The following BRCA1 variants were observed in gnomAD, a reference collection of about 807,000 sequenced individuals.
The protein encoded by BRCA1 is breast cancer type 1 susceptibility protein.
BRCA1 carries 140 observed loss-of-function variants against 173.7 expected under a neutral mutation model. That is an observed-to-expected ratio of 0.81 (90% CI 0.70 to 0.93). The LOEUF (loss-of-function observed/expected upper bound fraction) is 0.93, where lower values mean the gene tolerates loss of function less well. BRCA1 is among the 40% of genes least tolerant of loss of function. The pLI is 0.00. For synonymous variants in BRCA1, 662 were observed against 756.0 expected, an observed-to-expected ratio of 0.88 and a Z score of 2.04; for missense variants, 1,983 against 2,172.5, an observed-to-expected ratio of 0.91 and a Z score of 1.73.
At chr17:43,047,798 G>A in intron 21 of BRCA1, 95 bp from the exon 22 acceptor site, 1 of 1,312,224 alleles carries the variant, frequency 7.6e-7, no homozygotes, top group Non-Finnish European at 1.1e-6. Flanking sequence ...TTGAGACAGG[G>A]TCTTGCTCTG....
At chr17:43,106,559 C>A in intron 3 of BRCA1, 26 bp from the exon 4 acceptor site, 1 of 1,493,600 alleles carries the variant, frequency 6.7e-7, no homozygotes, top group Non-Finnish European at 9.3e-7. Context: ...AAAGAAAGAA[C>A]AATTTAATTT....
In BRCA1 at chr17:43,092,210, T is replaced by A. The variant is rs2154329127; in HGVS notation, c.3321A>T (p.Glu1107Asp). ...CTTCTTCATATTCTTGCTTTTTTAT[T>A]TCAGGATGCTTACAATTACTTCCAG... The part of the protein sequence containing the change: ...SLPGSNCKHP[E>D]IKKQEYEEVV... Residue 1107 changes from glutamate to aspartate, a missense_variant, in exon 10 of 23, where the codon GAA (glutamate) becomes GAT (aspartate). Glu to Asp is a conservative substitution (Grantham distance 45). Transcript: ENST00000357654. 1 of 1,613,360 alleles carries A rather than the reference T, an allele frequency of 6.2e-7. No individual in the cohort carries two copies.
At chr17:43,107,062 A>ATTTTTT (rs35202419) in intron 3 of BRCA1, among the ~76,000 whole-genome samples, 2 of 126,834 alleles carry the variant, frequency 1.6e-5, no homozygotes, top group African/African-American at 3.1e-5. Flanking sequence ...TACCAAGACA[A>ATTTTTT]TTTTTTTTTT....
rs763230080 is a variant in BRCA1, at chr17:43,124,061, T to C, written c.36A>G (p.Gln12=). The change falls in exon 2 of 23, where the codon CAA becomes CAG. Residue 12 remains glutamine, a synonymous_variant. Coordinates refer to ENST00000357654, the MANE Select transcript of BRCA1 (RefSeq NM_007294.4). Reference sequence around the variant, plus strand: ...TTTTCTGCATAGCATTAATGACATTTTGTACTTCTTCAACGCGAAGAGCAG... The same window carrying C: ...TTTTCTGCATAGCATTAATGACATTCTGTACTTCTTCAACGCGAAGAGCAG... ...DLSALRVEEV[Q]NVINAMQKIL... 27 of 1,613,926 alleles carry C rather than the reference T, an allele frequency of 1.7e-5. 1 individual carries two copies. The South Asian group carries it at 2.9e-4, about 17-fold the overall frequency.
At chr17:43,168,224 T>G (rs2056280619) in intron 1 of BRCA1, 1 of 428,090 alleles carries the variant, frequency 2.3e-6, no homozygotes, top group Non-Finnish European at 4.8e-6. Context: ...TTGTACTTCT[T>G]CAACGCAAAC....
intron 1 of BRCA1, among the ~76,000 whole-genome samples, chr17:43,154,449 A>C (rs1219995031): frequency 6.6e-6 from 1 of 151,930 alleles, no homozygotes. Flanking sequence ...GCCCCACTGC[A>C]CTCCAGCTTG....
At chr17:43,066,451 G>A (rs911363324) in intron 16 of BRCA1, among the ~76,000 whole-genome samples, 11 of 152,002 alleles carry the variant, frequency 7.2e-5, no homozygotes, top group Middle Eastern at 6.8e-3. Flanking sequence ...TCACTCTGTC[G>A]CCAGGCTGGA....
At chr17:43,100,592 A>G (rs1597889689) in intron 6 of BRCA1, among the ~76,000 whole-genome samples, 3 of 96,814 alleles carry the variant, frequency 3.1e-5, no homozygotes, top group South Asian at 3.3e-4. Flanking sequence ...TAACATATAT[A>G]TATTATATAT....
rs80358021 is a variant in BRCA1 at position 43,071,246 on chromosome 17, G to A, written c.4676-8C>T. 6.2e-7 allele frequency: 1 copy of A among 1,613,198 alleles called. No homozygotes were observed. The highest frequency in any genetic ancestry group is 8.5e-7 in the Non-Finnish European group (1 of 1,179,268). ...CCAGGTAAGGGGTTCCCTCTGAAAGGAATGGGAGAAGTTTAATTTACACAA... is the reference window on the plus strand; with the variant it reads ...CCAGGTAAGGGGTTCCCTCTGAAAGAAATGGGAGAAGTTTAATTTACACAA... On this transcript the variant is annotated splice_polypyrimidine_tract_variant and splice_region_variant and intron_variant, in intron 14 of 22. Transcript: ENST00000357654.
Position 43,051,097 on chromosome 17 carries a change from G to A in BRCA1, c.5298C>T (p.Ile1766=), listed in dbSNP as rs2051207482. The change falls in exon 20 of 23, where the codon ATC becomes ATT. Residue 1766 remains isoleucine, a synonymous_variant. Coordinates refer to ENST00000357654, the MANE Select transcript of BRCA1 (RefSeq NM_007294.4). The part of the protein sequence containing the change: ...QDRKIFRGLE[I]CCYGPFTNMP... ...TGTTGGTGAAGGGCCCATAGCAACA[G>A]ATTTCTAGCCCCCTGAAGATCTGGA... is the stretch of plus-strand genomic sequence containing the variant. The A allele has an allele frequency of 6.2e-7, 1 of 1,614,108 alleles. No individual in the cohort carries two copies. Among genetic ancestry groups the A allele is most frequent in the Non-Finnish European group, 8.5e-7 (1 of 1,179,972 alleles).
In BRCA1 at chr17:43,080,276, A is replaced by G. The variant is rs77008361; in HGVS notation, c.4357+2128T>C. 3.3e-4 allele frequency among the ~76,000 whole-genome samples: 50 copies of G among 152,352 alleles called. No individual in the cohort carries two copies. The East Asian group carries it at 7.5e-3, about 23-fold the overall frequency. ...GAATTAAGGAAGACACTGGAAGACA[A>G]CAGATATTAAGAAATAATAAACTAG... On this transcript the variant is annotated intron_variant, in intron 12 of 22. Transcript: ENST00000357654.
At chr17:43,124,158 G>GACATATATATAT (rs199805151) in intron 1 of BRCA1, 43 bp from the exon 2 acceptor site, 4 of 1,168,454 alleles carry the variant, frequency 3.4e-6, no homozygotes, top group Non-Finnish European at 4.9e-6. Flanking sequence ...CTTTTTAAAA[G>GACATATATATAT]GTTTATAAAA....
chr17:43,061,605 C>G (rs1204668536), intron 18 of BRCA1, among the ~76,000 whole-genome samples: 7 of 146,950 alleles, frequency 4.8e-5, no homozygotes, highest in African/African-American at 1.8e-4. Context: ...TTTTTTAAGA[C>G]AGGGTCTCAT....
chr17:43,164,066 T>C (rs1195323256), intron 1 of BRCA1: 1 of 152,230 alleles, frequency 6.6e-6, no homozygotes, highest in Non-Finnish European at 1.5e-5. Context: ...AGCATAACAA[T>C]TGCTTTTGTT....
chr17:43,117,386 G>C (rs1218787085), intron 2 of BRCA1, among the ~76,000 whole-genome samples: 1 of 152,172 alleles, frequency 6.6e-6, no homozygotes, highest in Non-Finnish European at 1.5e-5. Context: ...AGGTTGCAGA[G>C]TGAGCCAATA....
intron 11 of BRCA1, among the ~76,000 whole-genome samples, chr17:43,087,111 T>C (rs1421361096): frequency 1.3e-5 from 2 of 152,212 alleles, no homozygotes; most frequent in Non-Finnish European, 2.9e-5. Context: ...GAGCATAAAC[T>C]GGTTTAATCT....
chr17:43,117,077 G>A (rs950619035), intron 2 of BRCA1, among the ~76,000 whole-genome samples: 5 of 152,174 alleles, frequency 3.3e-5, no homozygotes, highest in African/African-American at 1.2e-4. Flanking sequence ...TTCAGAAGAG[G>A]CATGATGTTT....
At chr17:43,111,212 T>C (rs950752977) in intron 3 of BRCA1, among the ~76,000 whole-genome samples, 2 of 152,096 alleles carry the variant, frequency 1.3e-5, no homozygotes, top group Non-Finnish European at 2.9e-5. Context: ...TCTTTTTTTA[T>C]AGGCTTCATA....
chr17:43,057,971 G>A (rs1229747695), intron 18 of BRCA1, among the ~76,000 whole-genome samples: 2 of 127,362 alleles, frequency 1.6e-5, no homozygotes, highest in Non-Finnish European at 3.1e-5. Flanking sequence ...TGTGAGCCAC[G>A]ATCATGCCAC....
Sources: gnomAD v4.1 joint callset for allele counts (sites outside exome capture counted in the v4.1 genomes callset) on GRCh38, gnomAD v4.1.1 for gene constraint, MANE v1.5 for transcripts, NCBI Gene and HGNC (gene_info 2026-07-23, HGNC 2026-07-21) for gene names.